Variants in MKX observed in about 807,000 individuals in gnomAD.
MKX encodes mohawk homeobox, also known as homeobox protein Mohawk.
In MKX, 13 loss-of-function variants were observed where a neutral mutation model predicts 36.0. The ratio of observed to expected loss-of-function variants is 0.36; its 90% CI spans 0.24 to 0.57. The LOEUF is 0.57. Ranked by LOEUF, MKX falls within the 20% of genes least tolerant of loss-of-function variation. The probability of loss-of-function intolerance (pLI) is 0.79; values close to 1 mark genes in which losing one functional copy is unlikely to be tolerated. For missense variants in MKX, 458 were observed against 456.4 expected (o/e 1.00, Z -0.03); for synonymous variants, 176 against 178.3 (o/e 0.99, Z 0.10).
At chr10:27,685,555 T>C (rs1836329820) in intron 5 of MKX, among the ~76,000 whole-genome samples, 3 of 151,766 alleles carry the variant, frequency 2.0e-5, no homozygotes, top group Admixed American at 6.6e-5. Context: ...TGCACGCCAT[T>C]CTCCTGCCTC....
chr10:27,722,311 G>A (rs1309961120), intron 5 of MKX, among the ~76,000 whole-genome samples: 1 of 152,176 alleles, frequency 6.6e-6, no homozygotes, highest in Non-Finnish European at 1.5e-5. Context: ...CCTTTGCAAT[G>A]TCCCTGTCTT....
chr10:27,706,077 G>GTCTCTA lies in MKX; in HGVS notation c.838+28373_838+28378dup, dbSNP rs570337086. ...CCTGAGTGACCACCATTTTTTTTCT[G>GTCTCTA]TCTCTATGAATTTGACTATTCTAGG... On this transcript the variant is annotated intron_variant, in intron 5 of 6. Coordinates refer to ENST00000419761, the MANE Select transcript of MKX (RefSeq NM_173576.3). 2.3e-3 allele frequency among the ~76,000 whole-genome samples: 345 copies of GTCTCTA among 151,344 alleles called. 2 individuals carry two copies. Among genetic ancestry groups the GTCTCTA allele is most frequent in the African/African-American group, 7.8e-3 (321 of 41,204 alleles).
intron 5 of MKX, among the ~76,000 whole-genome samples, chr10:27,718,118 T>C (rs1179781700): frequency 6.6e-6 from 1 of 152,110 alleles, no homozygotes; most frequent in Non-Finnish European, 1.5e-5. Context: ...AGAAGTATGG[T>C]GAAATACTCA....
chr10:27,725,636 G>A (rs1834471626), intron 5 of MKX, among the ~76,000 whole-genome samples: 1 of 150,070 alleles, frequency 6.7e-6, no homozygotes, highest in African/African-American at 2.5e-5. Context: ...TAGAAACAAA[G>A]TAGGGAGGCA....
rs1834910101 is a variant in MKX at position 27,742,009 on chromosome 10, G to A, written c.189-505C>T. On this transcript the variant is annotated intron_variant, in intron 2 of 6. Coordinates refer to ENST00000419761, the MANE Select transcript of MKX (RefSeq NM_173576.3). This position sits in a 1 kb window ranked among gnomAD's most constrained non-coding sequence, Gnocchi z 4.2. Reference sequence around the variant, plus strand: ...ACTGGACATAGGGAATAAAGCAAAGGAGCATTGCCGCCCCGGCTCTCTTTA... The same window carrying A: ...ACTGGACATAGGGAATAAAGCAAAGAAGCATTGCCGCCCCGGCTCTCTTTA... Among the ~76,000 whole-genome samples, 1 of 152,210 alleles carries A rather than the reference G, an allele frequency of 6.6e-6. No homozygotes were observed. The highest frequency in any genetic ancestry group is 2.4e-5 in the African/African-American group (1 of 41,464).
chr10:27,734,608 T>C lies in MKX; in HGVS notation c.686A>G (p.Asp229Gly). Reference protein sequence around the residue: ...KSSLLNRYLNDSLRHVMATNT... With the variant: ...KSSLLNRYLNGSLRHVMATNT... ...CGTGGCCATGACATGTCTCAAAGAG[T>C]CATTAAGGTAACGGTTCAACAAGCT... The change falls in exon 5 of 7, where the codon GAC (aspartate) becomes GGC (glycine). Residue 229 changes from aspartate (D) to glycine (G), a missense_variant. By Grantham distance (94) the Asp-to-Gly change is moderately conservative (BLOSUM62 -1). This residue lies in a region of MKX where 297 missense variants were observed against 304.4 expected (regional missense o/e 0.98). Transcript: ENST00000419761. 6.2e-7 allele frequency: 1 copy of C among 1,614,004 alleles called. No homozygotes were observed. The highest frequency in any genetic ancestry group is 1.3e-5 in the African/African-American group (1 of 74,978).
chr10:27,743,386 G>A lies in MKX; in HGVS notation c.30C>T (p.Ser10=). 1 of 1,569,134 alleles carries A rather than the reference G, an allele frequency of 6.4e-7. No individual in the cohort carries two copies. The highest frequency in any genetic ancestry group is 2.4e-5 in the East Asian group (1 of 41,102). Residue 10 remains serine (S), a synonymous_variant, in exon 2 of 7, where the codon AGC becomes AGT. Coordinates refer to ENST00000419761, the MANE Select transcript of MKX (RefSeq NM_173576.3). ...CTCCGTCCTCAAACAGCACCGCACC[G>A]CTGAGCTTGTTGAAGACGATGGTGT... is the stretch of plus-strand genomic sequence containing the variant. MNTIVFNKL[S]GAVLFEDGGA...
chr10:27,701,298 C>CGGCACGCGGTGCACATCAT (rs1004724498), intron 5 of MKX, among the ~76,000 whole-genome samples: 2 of 149,348 alleles, frequency 1.3e-5, no homozygotes, highest in Non-Finnish European at 3.0e-5. Context: ...GTGCACATCA[C>CGGCACGCGGTGCACATCAT]GGCACGCAGC....
intron 5 of MKX, among the ~76,000 whole-genome samples, chr10:27,690,960 T>C (rs558301706): frequency 6.6e-6 from 1 of 152,278 alleles, no homozygotes; most frequent in East Asian, 1.9e-4. Context: ...CTGATGGTTT[T>C]ATAAGGCAAT....
intron 5 of MKX, among the ~76,000 whole-genome samples, chr10:27,676,926 G>T (rs1013965702): frequency 2.6e-5 from 4 of 152,082 alleles, no homozygotes; most frequent in Admixed American, 2.0e-4. Context: ...CTCAGAACAC[G>T]AATGTCTCCC....
chr10:27,711,493 C>T lies in MKX; in HGVS notation c.838+22963G>A, dbSNP rs1329879258. 2.1e-3 allele frequency among the ~76,000 whole-genome samples: 64 copies of T among 30,504 alleles called. 2 individuals are homozygous for T. The highest frequency in any genetic ancestry group is 9.0e-3 in the African/African-American group (59 of 6,558). 20.0% of individuals were successfully genotyped at this position (30,504 alleles called of 152,430 possible). ...TTTCTTTCTTTCTTTCTCTCTCTCT[C>T]TCTTCTTTCCTTCCTTCCTTCCTTC... On this transcript the variant is annotated intron_variant, in intron 5 of 6. Coordinates refer to ENST00000419761, the MANE Select transcript of MKX (RefSeq NM_173576.3).
At chr10:27,735,430 A>G (rs1381126447) in intron 3 of MKX, 56 bp from the exon 4 acceptor site, 7 of 1,482,278 alleles carry the variant, frequency 4.7e-6, no homozygotes, top group Non-Finnish European at 6.5e-6. Context: ...CCATGGTGCG[A>G]TTATTTTCTC....
At chr10:27,733,845 T>A (rs1159648157) in intron 5 of MKX, among the ~76,000 whole-genome samples, 1 of 152,180 alleles carries the variant, frequency 6.6e-6, no homozygotes, top group Non-Finnish European at 1.5e-5. Context: ...GAAAGTAAAA[T>A]TTTAAAAGCT....
At chr10:27,706,545 CTGTGTGTGTGTG>C (rs60800576) in intron 5 of MKX, among the ~76,000 whole-genome samples, 29 of 144,986 alleles carry the variant, frequency 2.0e-4, no homozygotes, top group Admixed American at 1.7e-3. Flanking sequence ...TCGTTAATTC[CTGTGTGTGTGTG>C]TGTGTGTGTG....
At chr10:27,688,448 G>A (rs1662149282) in intron 5 of MKX, among the ~76,000 whole-genome samples, 1 of 152,182 alleles carries the variant, frequency 6.6e-6, no homozygotes, top group Non-Finnish European at 1.5e-5. Context: ...ACCACAACAT[G>A]CCAAGACAAA....
At chr10:27,686,879 C>G (rs1836365371) in intron 5 of MKX, among the ~76,000 whole-genome samples, 1 of 152,192 alleles carries the variant, frequency 6.6e-6, no homozygotes, top group Admixed American at 6.5e-5. Flanking sequence ...GGGCTGGCCC[C>G]TCATGATGGC....
intron 5 of MKX, among the ~76,000 whole-genome samples, chr10:27,707,648 C>A (rs1589672319): frequency 6.6e-6 from 1 of 152,314 alleles, no homozygotes; most frequent in East Asian, 1.9e-4. Flanking sequence ...ACTGCTGCAT[C>A]CTCTCTGACA....
intron 5 of MKX, among the ~76,000 whole-genome samples, chr10:27,690,405 A>T (rs1347191978): frequency 6.6e-6 from 1 of 152,308 alleles, no homozygotes; most frequent in East Asian, 1.9e-4. Context: ...ACAAAAACCT[A>T]ACAAGTTCAT....
chr10:27,716,193 C>G (rs1365008625), intron 5 of MKX, among the ~76,000 whole-genome samples: 1 of 152,010 alleles, frequency 6.6e-6, no homozygotes, highest in Non-Finnish European at 1.5e-5. Flanking sequence ...TAGCACATAG[C>G]ACAATGCCAG....
Sources: gnomAD v4.1 joint callset for allele counts (sites outside exome capture counted in the v4.1 genomes callset) on GRCh38, gnomAD v4.1.1 for gene constraint, gnomAD v4.1.1 regional missense constraint, Gnocchi (gnomAD v3.1) non-coding constraint, MANE v1.5 for transcripts, NCBI Gene and HGNC (gene_info 2026-07-23, HGNC 2026-07-21) for gene names.